GAK: variants seen among roughly 807,000 people sequenced by gnomAD.
The protein encoded by GAK is cyclin G associated kinase, also known as cyclin-G-associated kinase.
In GAK, 79 loss-of-function variants were observed where a neutral mutation model predicts 143.9. The observed-to-expected ratio is 0.55, with a 90% confidence interval of 0.46 to 0.66. GAK has a LOEUF of 0.66. Among genes scored for constraint, GAK ranks in the 30% least tolerant of loss-of-function variants. The probability of loss-of-function intolerance (pLI) is 0.00; values close to 1 mark genes in which losing one functional copy is unlikely to be tolerated. For synonymous variants in GAK, 881 were observed against 765.5 expected (o/e 1.15, Z -2.49); for missense variants, 1,693 against 1,779.7 (o/e 0.95, Z 0.88).
intron 1 of GAK, among the ~76,000 whole-genome samples, chr4:920,407 G>T (rs372948158): frequency 6.6e-6 from 1 of 151,974 alleles, no homozygotes; most frequent in African/African-American, 2.4e-5. Flanking sequence ...CAGGGAAAGC[G>T]GAAGGAAAAT....
At chr4:863,015 T>G (rs1162199370) in intron 23 of GAK, among the ~76,000 whole-genome samples, 3 of 152,246 alleles carry the variant, frequency 2.0e-5, no homozygotes, top group African/African-American at 7.2e-5. Flanking sequence ...ATTCCTCTGA[T>G]GGATCTGGGT....
chr4:890,219 CTG>C (rs1717366764), intron 10 of GAK, among the ~76,000 whole-genome samples: 1 of 152,228 alleles, frequency 6.6e-6, no homozygotes, highest in Non-Finnish European at 1.5e-5. Flanking sequence ...CACATAACCC[CTG>C]AGCGAGGCCG....
At chr4:853,010 C>CTT (rs796179811) in intron 24 of GAK, 21 of 146,808 alleles carry the variant, frequency 1.4e-4, no homozygotes, top group African/African-American at 3.7e-4. Context: ...GTTCTGTCAT[C>CTT]TTTTTTTTTT....
At chr4:884,250 C>T (rs533103722) in intron 11 of GAK, 164 bp from the exon 12 acceptor site, 141 of 609,996 alleles carry the variant, frequency 2.3e-4, no homozygotes, top group African/African-American at 1.8e-3. Flanking sequence ...GGCAGCTTCC[C>T]GGCTGTGTGC....
At position 897,992 on chromosome 4, in the gene GAK, G is replaced by A. The variant is rs753596575; in HGVS notation, c.651+41C>T. ...TCCGCACTCAGGGCGTGGAATGTGG[G>A]AAGGGCCAGCTTCCCCCAGCATAGG... On this transcript the variant is annotated intron_variant, in intron 6 of 27. Transcript: ENST00000314167. 19 of 1,585,428 alleles carry A rather than the reference G, an allele frequency of 1.2e-5. No homozygotes were observed. In the Admixed American group the frequency reaches 3.0e-4, roughly 25 times the overall value.
intron 11 of GAK, chr4:886,561 G>A (rs1035985062): frequency 6.6e-6 from 1 of 152,280 alleles, no homozygotes; most frequent in African/African-American, 2.4e-5. Context: ...CATTTTCACT[G>A]ATGCCGAAAG....
intron 5 of GAK, among the ~76,000 whole-genome samples, chr4:901,489 A>C (rs771442868): frequency 9.9e-5 from 15 of 152,232 alleles, no homozygotes; most frequent in Non-Finnish European, 2.1e-4. Context: ...GCTGGAGAGG[A>C]GGCGGGGCCC....
In GAK at chr4:911,584, T is replaced by C. The variant is rs1722054658; in HGVS notation, c.382+89A>G. 6 of 861,358 alleles carry C rather than the reference T, an allele frequency of 7.0e-6. No individual in the cohort carries two copies. In the Admixed American group the frequency reaches 1.0e-4, roughly 14 times the overall value. 53.4% of individuals were successfully genotyped at this position (861,358 alleles called of 1,614,324 possible). A position where few individuals can be genotyped will look rare whatever the true frequency, so the allele number is the denominator to read the frequency against. On this transcript the variant is annotated intron_variant, in intron 4 of 27. Coordinates refer to ENST00000314167, the MANE Select transcript of GAK (RefSeq NM_005255.4). Reference sequence around the variant, plus strand: ...ACAGCTTGAGAGAAGATGCCGGGCATGTTTCACAGCCATGCAGCTGGGTTA... The same window carrying C: ...ACAGCTTGAGAGAAGATGCCGGGCACGTTTCACAGCCATGCAGCTGGGTTA...
intron 15 of GAK, among the ~76,000 whole-genome samples, chr4:880,440 G>A (rs1714864699): frequency 6.6e-6 from 1 of 152,244 alleles, no homozygotes; most frequent in East Asian, 1.9e-4. Flanking sequence ...GGAGGCAGAA[G>A]AAAGGGTCTC....
intron 23 of GAK, among the ~76,000 whole-genome samples, chr4:860,845 C>T (rs79842872): frequency 0.058 from 8,808 of 152,216 alleles, 290 homozygotes; most frequent in Middle Eastern, 0.092. Context: ...CTGTGCCTCC[C>T]GGAGCTCTGC....
intron 24 of GAK, among the ~76,000 whole-genome samples, chr4:854,118 CT>C (rs573575985): frequency 0.032 from 4,455 of 139,126 alleles, 153 homozygotes; most frequent in African/African-American, 0.089. Context: ...CATTTTCTTT[CT>C]TTTTTTTTTT....
intron 2 of GAK, 119 bp from the exon 3 acceptor site, chr4:912,913 C>A: frequency 1.4e-6 from 1 of 714,640 alleles, no homozygotes; most frequent in South Asian, 2.4e-5. Context: ...AATACAGCTC[C>A]CCCCGTTTCG....
chr4:870,659 A>C, intron 19 of GAK, 52 bp downstream of exon 19: 1 of 1,578,240 alleles, frequency 6.3e-7, no homozygotes, highest in Non-Finnish European at 8.7e-7. Context: ...GTCTCTCTCC[A>C]CAGAGACACT....
At chr4:905,204 G>C (rs184707287) in intron 4 of GAK, among the ~76,000 whole-genome samples, 1 of 152,146 alleles carries the variant, frequency 6.6e-6, no homozygotes, top group African/African-American at 2.4e-5. Flanking sequence ...CCCTTGAGCC[G>C]CTGCTTGGGC....
intron 1 of GAK, among the ~76,000 whole-genome samples, chr4:916,836 C>T (rs1469909507): frequency 6.6e-6 from 1 of 152,220 alleles, no homozygotes; most frequent in East Asian, 1.9e-4. Flanking sequence ...TGACATTACG[C>T]TGCTGTGTAT....
At position 890,545 on chromosome 4, in the gene GAK, A is replaced by G. The variant is rs1717426560; in HGVS notation, c.1068T>C (p.Ser356=). 14 of 1,609,072 alleles carry G rather than the reference A, an allele frequency of 8.7e-6. No homozygotes were observed. Among genetic ancestry groups the G allele is most frequent in the Non-Finnish European group, 8.5e-6 (10 of 1,178,120 alleles). The stretch of plus-strand genomic sequence containing the variant: ...CAGGGCACTCACCTCCACTGTAGCC[A>G]CTGCCAGCGGGGCCCACGGGAGGGG... ...GPPPPVGPAG[S]GYSGGLALAE... is the part of the protein sequence containing the mutation. The change falls in exon 10 of 28, where the codon AGT becomes AGC. Residue 356 remains serine (S), a synonymous_variant. Coordinates refer to ENST00000314167, the MANE Select transcript of GAK (RefSeq NM_005255.4).
At chr4:887,195 T>C (rs1052506807) in intron 11 of GAK, 1 of 135,368 alleles carries the variant, frequency 7.4e-6, no homozygotes, top group African/African-American at 2.8e-5. Context: ...TGCACGCGGC[T>C]CGCGCACTCA....
chr4:884,131 C>T (rs41286653), intron 11 of GAK, 45 bp from the exon 12 acceptor site: 29,943 of 1,558,382 alleles, frequency 0.019, 715 homozygotes, highest in African/African-American at 0.11. Flanking sequence ...AGAAACACTC[C>T]GCAGTTAGGT....
chr4:866,873 A>G, intron 21 of GAK, 83 bp downstream of exon 21: 1 of 1,096,354 alleles, frequency 9.1e-7, no homozygotes. Context: ...AGCACCTTCG[A>G]AACACGCCCA....
Sources: allele counts gnomAD v4.1 joint callset (sites outside exome capture counted in the v4.1 genomes callset), GRCh38; gene constraint gnomAD v4.1.1; transcripts MANE v1.5; gene names NCBI Gene and HGNC (gene_info 2026-07-23, HGNC 2026-07-21).